The following CSMD1 variants were observed in gnomAD, a reference collection of about 807,000 sequenced individuals.
CSMD1 encodes CUB and Sushi multiple domains 1.
In CSMD1, 213 loss-of-function variants were observed where a neutral mutation model predicts 417.5. That is an observed-to-expected ratio of 0.51 (90% CI 0.46 to 0.57). The LOEUF (loss-of-function observed/expected upper bound fraction) is 0.57, where lower values mean the gene tolerates loss of function less well. CSMD1 is among the 20% of genes least tolerant of loss of function. The pLI is 0.00. For synonymous variants in CSMD1, 2,862 were observed against 1,736.8 expected (o/e 1.65, Z -16.11); for missense variants, 6,923 against 4,529.7 (o/e 1.53, Z -15.17).
At position 3,658,464 on chromosome 8, in the gene CSMD1, G is replaced by GTATATATATATATATA. The variant is rs113956125; in HGVS notation, c.1010-41668_1010-41667insTATATATATATATATA. ...CACATATATCTATAATATATATATT[G>GTATATATATATATATA]TGTATATATATATATATTTAATTTA... On this transcript the variant is annotated intron_variant, in intron 7 of 69. Coordinates refer to ENST00000635120, the MANE Select transcript of CSMD1 (RefSeq NM_033225.6). 1.8e-3 allele frequency among the ~76,000 whole-genome samples: 265 copies of GTATATATATATATATA among 144,166 alleles called. 4 individuals carry two copies. The highest frequency in any genetic ancestry group is 7.1e-3 in the Middle Eastern group (2 of 280). 94.6% of individuals were successfully genotyped at this position (144,166 alleles called of 152,430 possible). A position where few individuals can be genotyped will look rare whatever the true frequency, so the allele number is the denominator to read the frequency against.
chr8:3,828,727 G>C (rs550942527), intron 5 of CSMD1, among the ~76,000 whole-genome samples: 1 of 152,210 alleles, frequency 6.6e-6, no homozygotes, highest in Non-Finnish European at 1.5e-5. Flanking sequence ...CTTTCTGCAA[G>C]CCTCACCAGA....
intron 2 of CSMD1, among the ~76,000 whole-genome samples, chr8:4,592,721 C>T (rs1007696388): frequency 3.3e-5 from 5 of 152,020 alleles, no homozygotes; most frequent in Admixed American, 2.0e-4. Context: ...TTATAAAGCT[C>T]AATCCAAAAT....
At position 4,421,991 on chromosome 8, in the gene CSMD1, A is replaced by G. The variant is rs56225753; in HGVS notation, c.303-1926T>C. Among the ~76,000 whole-genome samples, 322 of 152,234 alleles carry G rather than the reference A, an allele frequency of 2.1e-3. 4 individuals carry two copies. The highest frequency in any genetic ancestry group is 7.6e-3 in the African/African-American group (315 of 41,562). On this transcript the variant is annotated intron_variant, in intron 2 of 69. Transcript: ENST00000635120. Reference sequence around the variant, plus strand: ...TATTACTATGAACTCAGAATTCATCATAAAGATAATAAAAGTTACTACAGA... The same window carrying G: ...TATTACTATGAACTCAGAATTCATCGTAAAGATAATAAAAGTTACTACAGA...
rs999518670 is a variant in CSMD1 at position 4,432,880 on chromosome 8, G to T, written c.303-12815C>A. On this transcript the variant is annotated intron_variant, in intron 2 of 69. Transcript: ENST00000635120. ...TCTCCAACCGCGAGCCACGAATGTG[G>T]CTGCCCATCAAGGGGTGAGCAGCAG... 4.6e-5 allele frequency among the ~76,000 whole-genome samples: 7 copies of T among 152,284 alleles called. No homozygotes were observed. The East Asian group carries it at 1.4e-3, about 29-fold the overall frequency.
At chr8:4,894,698 C>CTGTGTGTGTGTGTG (rs1199351387) in intron 1 of CSMD1, among the ~76,000 whole-genome samples, 13 of 150,014 alleles carry the variant, frequency 8.7e-5, no homozygotes, top group African/African-American at 2.2e-4. Flanking sequence ...ATCTGAAAGA[C>CTGTGTGTGTGTGTG]TGTGTGTGTG....
intron 1 of CSMD1, among the ~76,000 whole-genome samples, chr8:4,918,150 A>T (rs1194390042): frequency 1.3e-5 from 2 of 152,218 alleles, no homozygotes; most frequent in Non-Finnish European, 2.9e-5. Context: ...CTTCCTTTGA[A>T]TGGAATCCCG....
chr8:4,040,822 G>A (rs113490355), intron 3 of CSMD1, among the ~76,000 whole-genome samples: 1,872 of 152,172 alleles, frequency 0.012, 37 homozygotes, highest in African/African-American at 0.043. Context: ...GCACGTGAAA[G>A]ACTTTAGCAG....
At position 3,268,287 on chromosome 8, in the gene CSMD1, CTATTTTTTT is replaced by C. The variant is rs1297868312; in HGVS notation, c.4153+15848_4153+15856del. Among the ~76,000 whole-genome samples, 69 of 114,660 alleles carry C rather than the reference CTATTTTTTT, an allele frequency of 6.0e-4. 2 individuals carry two copies. In the South Asian group the frequency reaches 0.013, roughly 21 times the overall value. The allele number at this position is 114,660 out of a possible 152,430, so 75.2% of individuals were successfully genotyped here. A position where few individuals can be genotyped will look rare whatever the true frequency, so the allele number is the denominator to read the frequency against. ...AGGGTGTGGTCAGATGGTTCATTTC[CTATTTTTTT>C]TTTTTTTTTTTTTTTTTTGAGACGG... On this transcript the variant is annotated intron_variant, in intron 26 of 69. Transcript: ENST00000635120.
chr8:4,799,738 A>T (rs1241000276), intron 1 of CSMD1, among the ~76,000 whole-genome samples: 1 of 152,110 alleles, frequency 6.6e-6, no homozygotes, highest in Non-Finnish European at 1.5e-5. Context: ...ATTACATGTC[A>T]AAAAGCTTTA....
chr8:4,669,876 G>A (rs2617019), intron 1 of CSMD1, among the ~76,000 whole-genome samples: 79,331 of 151,880 alleles, frequency 0.52, 20,979 homozygotes, highest in Admixed American at 0.63. Context: ...AGGTTTCTGG[G>A]CTTCTAGAAC....
At chr8:2,957,582 T>G in intron 63 of CSMD1, 114 bp downstream of exon 63, 1 of 731,266 alleles carries the variant, frequency 1.4e-6, no homozygotes, top group Admixed American at 2.5e-5. Flanking sequence ...ATCCGAAAAT[T>G]TAGGATTAGG....
chr8:4,121,105 A>G (rs1487685452), intron 3 of CSMD1, among the ~76,000 whole-genome samples: 1 of 151,230 alleles, frequency 6.6e-6, no homozygotes, highest in African/African-American at 2.4e-5. Context: ...TTTTTTATTT[A>G]TTTTTATTTT....
At chr8:3,719,713 C>A (rs77482438) in intron 6 of CSMD1, among the ~76,000 whole-genome samples, 6 of 152,140 alleles carry the variant, frequency 3.9e-5, no homozygotes, top group Non-Finnish European at 8.8e-5. Flanking sequence ...AGCCCCCATA[C>A]CAGCCACATA....
chr8:4,495,656 G>A (rs1801945143), intron 2 of CSMD1, among the ~76,000 whole-genome samples: 1 of 152,096 alleles, frequency 6.6e-6, no homozygotes, highest in Admixed American at 6.6e-5. Context: ...GAATAGATGA[G>A]ATAAAAATGT....
chr8:4,301,147 C>T (rs924225422), intron 3 of CSMD1, among the ~76,000 whole-genome samples: 3 of 152,090 alleles, frequency 2.0e-5, no homozygotes, highest in African/African-American at 4.8e-5. Flanking sequence ...TGAGCAGGAG[C>T]ATTGTTGTGA....
At chr8:4,844,949 T>A (rs893295957) in intron 1 of CSMD1, among the ~76,000 whole-genome samples, 3 of 152,154 alleles carry the variant, frequency 2.0e-5, no homozygotes, top group African/African-American at 7.2e-5. Flanking sequence ...ACCAGTCAAT[T>A]TGGCAGCTCA....
intron 3 of CSMD1, among the ~76,000 whole-genome samples, chr8:4,151,189 T>C (rs1796554046): frequency 1.3e-5 from 2 of 152,214 alleles, no homozygotes; most frequent in Admixed American, 1.3e-4. Flanking sequence ...CAAAATCCTT[T>C]CTGTTACCAT....
At chr8:3,792,865 A>G (rs553826790) in intron 5 of CSMD1, among the ~76,000 whole-genome samples, 1 of 152,248 alleles carries the variant, frequency 6.6e-6, no homozygotes, top group African/African-American at 2.4e-5. Flanking sequence ...ATTTTAAGTC[A>G]CCCTACATAC....
At chr8:3,883,476 A>G (rs1370821680) in intron 5 of CSMD1, among the ~76,000 whole-genome samples, 1 of 152,132 alleles carries the variant, frequency 6.6e-6, no homozygotes, top group East Asian at 1.9e-4. Flanking sequence ...GTATATATGT[A>G]TATGCACACA....
Sources: gnomAD v4.1 joint callset for allele counts (sites outside exome capture counted in the v4.1 genomes callset) on GRCh38, gnomAD v4.1.1 for gene constraint, MANE v1.5 for transcripts, NCBI Gene and HGNC (gene_info 2026-07-23, HGNC 2026-07-21) for gene names.